CTNNA2: variants seen among roughly 807,000 people sequenced by gnomAD.
CTNNA2 encodes the protein catenin alpha-2.
CTNNA2 carries 42 observed loss-of-function variants against 101.0 expected under a neutral mutation model. That is an observed-to-expected ratio of 0.42 (90% confidence interval 0.32 to 0.54). The LOEUF (loss-of-function observed/expected upper bound fraction) is 0.54. Among genes scored for constraint, CTNNA2 ranks in the 20% least tolerant of loss-of-function variants. The pLI, the probability that CTNNA2 is intolerant of heterozygous loss-of-function variation, is 0.14. For missense variants in CTNNA2, 871 were observed against 1,223.1 expected, an observed-to-expected ratio of 0.71 and a Z score of 4.29; for synonymous variants, 450 against 456.4, an observed-to-expected ratio of 0.99 and a Z score of 0.18.
chr2:79,828,675 G>A (rs1403939449), intron 3 of CTNNA2, among the ~76,000 whole-genome samples: 1 of 152,242 alleles, frequency 6.6e-6, no homozygotes. Flanking sequence ...GCAAGAGTCT[G>A]CTGAATTGAA....
intron 2 of CTNNA2, among the ~76,000 whole-genome samples, chr2:79,719,764 T>G (rs535905055): frequency 5.9e-5 from 9 of 152,308 alleles, no homozygotes; most frequent in African/African-American, 2.2e-4. Context: ...GCTTGTTGGT[T>G]TAACTTCCTT....
At chr2:80,168,787 A>AT (rs1231025504) in intron 7 of CTNNA2, among the ~76,000 whole-genome samples, 3 of 150,864 alleles carry the variant, frequency 2.0e-5, no homozygotes, top group Admixed American at 1.3e-4. Flanking sequence ...TCAGGTACAC[A>AT]TTTTTTTTTA....
chr2:80,588,771 G>A (rs1696186863), intron 14 of CTNNA2, among the ~76,000 whole-genome samples: 1 of 152,154 alleles, frequency 6.6e-6, no homozygotes, highest in Admixed American at 6.6e-5. Flanking sequence ...GCCCTGGGCA[G>A]GGGATTTTTG....
chr2:80,297,946 A>G (rs911797515), intron 7 of CTNNA2, among the ~76,000 whole-genome samples: 2 of 152,036 alleles, frequency 1.3e-5, no homozygotes, highest in Admixed American at 1.3e-4. Context: ...AGGTAGTTAC[A>G]TAATGGTCAC....
At chr2:79,333,398 C>A (rs954180131) in intron 3 of CTNNA2, among the ~76,000 whole-genome samples, 17 of 152,104 alleles carry the variant, frequency 1.1e-4, no homozygotes, top group Non-Finnish European at 2.2e-4. Context: ...GATTCCTACA[C>A]AAATCTAGAA....
At chr2:79,905,418 A>G (rs1040268270) in intron 6 of CTNNA2, among the ~76,000 whole-genome samples, 11 of 152,196 alleles carry the variant, frequency 7.2e-5, no homozygotes, top group South Asian at 2.1e-4. Context: ...GATATTTACA[A>G]TGTAAAAGAA....
intron 7 of CTNNA2, among the ~76,000 whole-genome samples, chr2:80,124,032 G>T (rs1324959943): frequency 6.6e-6 from 1 of 152,148 alleles, no homozygotes; most frequent in Non-Finnish European, 1.5e-5. Context: ...GGCTAGAAAG[G>T]CAAGGAAGCA....
intron 7 of CTNNA2, among the ~76,000 whole-genome samples, chr2:80,003,823 A>G (rs1404842294): frequency 6.6e-6 from 1 of 152,154 alleles, no homozygotes; most frequent in Admixed American, 6.6e-5. Context: ...TGGGGATCAC[A>G]TGAGGGAATC....
At chr2:80,404,117 G>A (rs1287191208) in intron 8 of CTNNA2, among the ~76,000 whole-genome samples, 1 of 152,134 alleles carries the variant, frequency 6.6e-6, no homozygotes, top group Non-Finnish European at 1.5e-5. Context: ...GATGATGCTG[G>A]CCTCACAAAA....
chr2:80,071,083 G>C (rs1698309715), intron 7 of CTNNA2, among the ~76,000 whole-genome samples: 1 of 152,198 alleles, frequency 6.6e-6, no homozygotes, highest in African/African-American at 2.4e-5. Context: ...ATTAAGAACT[G>C]ATAGATTTGA....
chr2:79,872,586 T>C (rs1682675034), intron 5 of CTNNA2, among the ~76,000 whole-genome samples: 1 of 152,206 alleles, frequency 6.6e-6, no homozygotes, highest in African/African-American at 2.4e-5. Flanking sequence ...AATTTAGAAA[T>C]TGTGTTACCT....
chr2:79,477,149 T>C (rs939458557), intron 4 of CTNNA2, among the ~76,000 whole-genome samples: 2 of 112,288 alleles, frequency 1.8e-5, no homozygotes, highest in African/African-American at 6.4e-5. Flanking sequence ...TCTTTTTATT[T>C]CTTTTTTTTC....
intron 3 of CTNNA2, among the ~76,000 whole-genome samples, chr2:79,344,571 C>G (rs1203072011): frequency 6.6e-6 from 1 of 151,948 alleles, no homozygotes; most frequent in Non-Finnish European, 1.5e-5. Context: ...AAATACTATC[C>G]AAATGCTTCT....
intron 14 of CTNNA2, among the ~76,000 whole-genome samples, chr2:80,587,509 C>T (rs945852681): frequency 1.4e-4 from 21 of 152,130 alleles, no homozygotes; most frequent in African/African-American, 5.1e-4. Context: ...TAATTATTTA[C>T]TATGCCCATA....
chr2:80,577,261 T>A (rs1005969576), intron 13 of CTNNA2, among the ~76,000 whole-genome samples: 1 of 152,074 alleles, frequency 6.6e-6, no homozygotes, highest in African/African-American at 2.4e-5. Flanking sequence ...TGTCAAACAT[T>A]ATGCCACAGA....
chr2:79,360,698 G>C (rs1226018130), intron 3 of CTNNA2, among the ~76,000 whole-genome samples: 2 of 152,124 alleles, frequency 1.3e-5, no homozygotes, highest in Non-Finnish European at 2.9e-5. Flanking sequence ...AAGTCAACAG[G>C]AAATGTAGAG....
intron 7 of CTNNA2, among the ~76,000 whole-genome samples, chr2:80,185,088 T>G (rs1246559527): frequency 1.3e-5 from 2 of 152,214 alleles, no homozygotes; most frequent in Non-Finnish European, 2.9e-5. Context: ...TAGCTGCATC[T>G]CTCATGTAAG....
rs143134392 is a variant in CTNNA2, at chr2:79,666,457, G to A, written c.102+14799G>A. Among the ~76,000 whole-genome samples the A allele has an allele frequency of 3.3e-5, 5 of 152,240 alleles. 1 individual carries two copies. Among genetic ancestry groups the A allele is most frequent in the African/African-American group, 1.2e-4 (5 of 41,558 alleles). On this transcript the variant is annotated intron_variant, in intron 2 of 18. Transcript: ENST00000402739. ...ATGGGACTCTTTTTAGTATTTTCAT[G>A]TGCATTTTTGTCTTTGTTCTATTCA... is the stretch of plus-strand genomic sequence containing the variant.
chr2:79,356,297 G>C (rs1677507575), intron 3 of CTNNA2, among the ~76,000 whole-genome samples: 1 of 150,994 alleles, frequency 6.6e-6, no homozygotes, highest in Non-Finnish European at 1.5e-5. Context: ...TTTTTAATTG[G>C]GTTGCTTATT....
Sources: allele counts gnomAD v4.1 joint callset (sites outside exome capture counted in the v4.1 genomes callset), GRCh38; gene constraint gnomAD v4.1.1; transcripts MANE v1.5; gene names NCBI Gene and HGNC (gene_info 2026-07-23, HGNC 2026-07-21).